RBM47: variants seen among roughly 807,000 people sequenced by gnomAD.
The protein encoded by RBM47 is RNA binding motif protein 47.
A neutral mutation model predicts 47.1 loss-of-function variants in RBM47; 21 were observed. That is an observed-to-expected ratio of 0.45 (90% confidence interval 0.32 to 0.64). The LOEUF is 0.64. RBM47 is among the 30% of genes least tolerant of loss of function. The pLI is 0.05. For missense variants in RBM47, 708 were observed against 870.9 expected (o/e 0.81, Z 2.35); for synonymous variants, 375 against 361.7 (o/e 1.04, Z -0.42).
chr4:40,609,445 T>C (rs1578064246), intron 1 of RBM47, among the ~76,000 whole-genome samples: 1 of 151,500 alleles, frequency 6.6e-6, no homozygotes, highest in Non-Finnish European at 1.5e-5. Flanking sequence ...CTAGAGTAAG[T>C]GGGATTACAG....
intron 2 of RBM47, among the ~76,000 whole-genome samples, chr4:40,533,667 A>T (rs1242258108): frequency 6.6e-6 from 1 of 152,006 alleles, no homozygotes; most frequent in African/African-American, 2.4e-5. Context: ...ACTGGATCTC[A>T]GTCTGTCACC....
At chr4:40,533,887 C>T (rs1016034190) in intron 2 of RBM47, among the ~76,000 whole-genome samples, 1 of 151,014 alleles carries the variant, frequency 6.6e-6, no homozygotes, top group African/African-American at 2.4e-5. Flanking sequence ...GTGATCTCAG[C>T]TCACCACAAC....
intron 5 of RBM47, among the ~76,000 whole-genome samples, chr4:40,435,720 G>A (rs1012493762): frequency 2.6e-5 from 4 of 152,112 alleles, no homozygotes; most frequent in Non-Finnish European, 5.9e-5. Flanking sequence ...GGTCGGGGCA[G>A]AAATAGGCCT....
At chr4:40,572,732 T>A (rs72624136) in intron 1 of RBM47, among the ~76,000 whole-genome samples, 7,375 of 151,832 alleles carry the variant, frequency 0.049, 541 homozygotes, top group African/African-American at 0.14. Flanking sequence ...TTTTTAAATT[T>A]AAATAATAAA....
chr4:40,438,335 C>T lies in RBM47; in HGVS notation c.559G>A (p.Ala187Thr), dbSNP rs754268660. 8 of 1,609,754 alleles carry T rather than the reference C, an allele frequency of 5.0e-6. No individual in the cohort carries two copies. The highest frequency in any genetic ancestry group is 1.6e-4 in the Middle Eastern group (1 of 6,062). Residue 187 changes from alanine to threonine, a missense_variant, in exon 4 of 7, where the codon GCG (alanine) becomes ACG (threonine). Transcript: ENST00000295971. ...GVLDVIVYAS[A>T]ADKMKNRGFA... ...CCGCGGTTCTTCATCTTGTCGGCCG[C>T]GCTGGCGTAGACGATCACGTCCAGC...
In RBM47 at chr4:40,586,266, G is replaced by C. The variant is rs1578016631; in HGVS notation, c.-239-41760C>G. Among the ~76,000 whole-genome samples the C allele has an allele frequency of 2.0e-5, 3 of 152,278 alleles. No homozygotes were observed. The South Asian group carries it at 6.2e-4, about 32-fold the overall frequency. On this transcript the variant is annotated intron_variant, in intron 1 of 6. Coordinates refer to ENST00000295971, the MANE Select transcript of RBM47 (RefSeq NM_001098634.2). ...GTAAAGAACTCTGTTGAGTCATGGA[G>C]GTTGTGTAAGTGTCTTTCCAAAAGA... is the stretch of plus-strand genomic sequence containing the variant.
At chr4:40,512,021 A>G (rs1254989625) in intron 2 of RBM47, among the ~76,000 whole-genome samples, 1 of 152,204 alleles carries the variant, frequency 6.6e-6, no homozygotes, top group Non-Finnish European at 1.5e-5. Context: ...AAAGGGAAAC[A>G]AGGAATGACA....
intron 1 of RBM47, among the ~76,000 whole-genome samples, chr4:40,603,608 CTCTCTT>C (rs1735477164): frequency 6.6e-6 from 1 of 151,588 alleles, no homozygotes; most frequent in African/African-American, 2.4e-5. Flanking sequence ...CTCCCTCTCT[CTCTCTT>C]TTTTTTGAGA....
chr4:40,450,709 C>T (rs1715284308), intron 3 of RBM47, among the ~76,000 whole-genome samples: 1 of 152,070 alleles, frequency 6.6e-6, no homozygotes, highest in Non-Finnish European at 1.5e-5. Flanking sequence ...GTTTTTGAAC[C>T]TCAGCCCTAT....
At chr4:40,513,111 C>T (rs1560435734) in intron 2 of RBM47, among the ~76,000 whole-genome samples, 1 of 152,288 alleles carries the variant, frequency 6.6e-6, no homozygotes, top group East Asian at 1.9e-4. Context: ...TCCTATTTGC[C>T]TGAATATACA....
At chr4:40,522,658 T>C (rs141417188) in intron 2 of RBM47, among the ~76,000 whole-genome samples, 1 of 152,272 alleles carries the variant, frequency 6.6e-6, no homozygotes, top group Non-Finnish European at 1.5e-5. Context: ...TCTTTCCCTA[T>C]AGAATTTCAG....
At chr4:40,477,459 A>ACT (rs1437700426) in intron 2 of RBM47, among the ~76,000 whole-genome samples, 1 of 152,194 alleles carries the variant, frequency 6.6e-6, no homozygotes, top group Non-Finnish European at 1.5e-5. Flanking sequence ...TTCAAAATCT[A>ACT]CTGATTTCAG....
chr4:40,485,603 C>G (rs1235003564), intron 2 of RBM47, among the ~76,000 whole-genome samples: 2 of 152,132 alleles, frequency 1.3e-5, no homozygotes, highest in Non-Finnish European at 2.9e-5. Flanking sequence ...CTAAAATTAC[C>G]AGTCCCCAAG....
At chr4:40,553,270 T>C (rs1406216058) in intron 1 of RBM47, among the ~76,000 whole-genome samples, 2 of 151,186 alleles carry the variant, frequency 1.3e-5, no homozygotes, top group African/African-American at 4.9e-5. Context: ...CATATTATTA[T>C]CTGAAATTGC....
chr4:40,437,088 A>AAAAAAAAAAAAAAAAAT (rs1712608924), intron 4 of RBM47, among the ~76,000 whole-genome samples: 1 of 54,032 alleles, frequency 1.9e-5, no homozygotes, highest in Non-Finnish European at 3.1e-5. Flanking sequence ...AAAAAAAAAA[A>AAAAAAAAAAAAAAAAAT]AAATATATAT....
chr4:40,489,086 C>A (rs979616779), intron 2 of RBM47, among the ~76,000 whole-genome samples: 1 of 152,206 alleles, frequency 6.6e-6, no homozygotes, highest in Non-Finnish European at 1.5e-5. Context: ...CAACTGTACT[C>A]TGTATGCCCC....
chr4:40,490,232 C>T (rs915027128), intron 2 of RBM47, among the ~76,000 whole-genome samples: 2 of 151,872 alleles, frequency 1.3e-5, no homozygotes, highest in African/African-American at 2.4e-5. Context: ...GATTTGCACT[C>T]TCTCAACTTC....
intron 2 of RBM47, among the ~76,000 whole-genome samples, chr4:40,487,030 A>C (rs78146104): frequency 0.025 from 3,877 of 152,290 alleles, 135 homozygotes; most frequent in African/African-American, 0.081. Flanking sequence ...GACTTACTTA[A>C]ACTGGAAGAG....
intron 1 of RBM47, among the ~76,000 whole-genome samples, chr4:40,570,879 G>A (rs4536974): frequency 0.035 from 5,320 of 152,030 alleles, 328 homozygotes; most frequent in African/African-American, 0.12. Flanking sequence ...AACTAACAGA[G>A]GAAACAGTGG....
Sources: gnomAD v4.1 joint callset for allele counts (sites outside exome capture counted in the v4.1 genomes callset) on GRCh38, gnomAD v4.1.1 for gene constraint, MANE v1.5 for transcripts, NCBI Gene and HGNC (gene_info 2026-07-23, HGNC 2026-07-21) for gene names.